The following FANCA variants were observed in gnomAD, a reference collection of about 807,000 sequenced individuals.
FANCA encodes Fanconi anemia group A protein.
FANCA carries 236 observed loss-of-function variants against 194.3 expected under a neutral mutation model. The observed-to-expected ratio is 1.21, with a 90% CI of 1.09 to 1.35. The LOEUF is 1.35. Ranked by LOEUF, FANCA falls within the 40% of genes most tolerant of loss-of-function variation. The pLI is 0.00. For missense variants in FANCA, 2,628 were observed against 1,813.9 expected (o/e 1.45, Z -8.15); for synonymous variants, 1,014 against 715.8 (o/e 1.42, Z -6.65).
intron 2 of FANCA, among the ~76,000 whole-genome samples, 153 bp from the exon 3 acceptor site, chr16:89,814,766 C>G (rs2041035513): frequency 6.6e-6 from 1 of 151,690 alleles, no homozygotes; most frequent in African/African-American, 2.4e-5. Context: ...CATAGTGAAA[C>G]CCTGTCTCTA....
chr16:89,738,790 G>T lies in FANCA; in HGVS notation c.4261-82C>A. 2.5e-6 allele frequency: 4 copies of T among 1,613,092 alleles called. No homozygotes were observed. In the Admixed American group the frequency reaches 6.7e-5, roughly 27 times the overall value. On this transcript the variant is annotated intron_variant, in intron 42 of 42. Transcript: ENST00000389301. The stretch of plus-strand genomic sequence containing the variant: ...GGGAGGGGCTCTGGCAGAAATAGTC[G>T]AGTTGTATTGCCAGCCAGGCAGGCA...
chr16:89,783,091 G>A lies in FANCA; in HGVS notation c.1482C>T (p.Leu494=), dbSNP rs1431996844. The change falls in exon 16 of 43, where the codon CTC becomes CTT. Residue 494 remains leucine (L), a synonymous_variant. Transcript: ENST00000389301. Reference sequence around the variant, plus strand: ...ACTTGCCGGGAACCAGGGGTGGGTGGAGAATGTGCACCTGAGGATAGATAG... The same window carrying A: ...ACTTGCCGGGAACCAGGGGTGGGTGAAGAATGTGCACCTGAGGATAGATAG... ...ESPRYLQVHI[L]HPPLVPGKYR... is the part of the protein sequence containing the mutation. The A allele has an allele frequency of 6.2e-7, 1 of 1,612,904 alleles. No individual in the cohort carries two copies. The highest frequency in any genetic ancestry group is 1.7e-5 in the Admixed American group (1 of 59,970).
At chr16:89,770,283 T>A (rs977684189) in intron 24 of FANCA, 24 bp from the exon 25 acceptor site, 18 of 1,546,586 alleles carry the variant, frequency 1.2e-5, no homozygotes, top group Admixed American at 7.8e-5. Context: ...CGTGAAACCA[T>A]CAGTACTAGC....
chr16:89,751,652 G>C (rs2038595815), intron 31 of FANCA, among the ~76,000 whole-genome samples: 1 of 152,230 alleles, frequency 6.6e-6, no homozygotes, highest in Non-Finnish European at 1.5e-5. Flanking sequence ...GTAAATGCCT[G>C]TTGACTGACA....
chr16:89,762,378 GAGCCTAGGAGTTTGACACC>G (rs139978339), intron 28 of FANCA, among the ~76,000 whole-genome samples: 9,042 of 151,916 alleles, frequency 0.06, 405 homozygotes, highest in East Asian at 0.22. Flanking sequence ...CAGATTGCTT[GAGCCTAGGAGTTTGACACC>G]AGCCTAGGCA....
chr16:89,808,422 T>C, intron 5 of FANCA, 55 bp from the exon 6 acceptor site: 1 of 1,553,272 alleles, frequency 6.4e-7, no homozygotes, highest in Non-Finnish European at 8.9e-7. Context: ...CCCAGCATTC[T>C]GAGTCCTTTA....
At position 89,810,709 on chromosome 16, in the gene FANCA, G is replaced by C. The variant is rs1454055874; in HGVS notation, c.520C>G (p.Gln174Glu). The change falls in exon 5 of 43, where the codon CAG becomes GAG. Residue 174 changes from glutamine to glutamate, a missense_variant and splice_region_variant. Gln to Glu is a conservative substitution (Grantham distance 29, BLOSUM62 2). Coordinates refer to ENST00000389301, the MANE Select transcript of FANCA (RefSeq NM_000135.4). ...LSFCQELWKI[Q>E]SSLLLEAVWH... is the part of the protein sequence containing the mutation. ...CAGATTTGCAATCTCAAATTTACCT[G>C]TATTTTCCATAATTCTTGACAGAAG... is the stretch of plus-strand genomic sequence containing the variant. The C allele has an allele frequency of 1.9e-6, 3 of 1,596,360 alleles. No individual in the cohort carries two copies. Among genetic ancestry groups the C allele is most frequent in the Non-Finnish European group, 2.6e-6 (3 of 1,163,978 alleles).
In FANCA at chr16:89,757,258, C is replaced by T. The variant is rs753971651; in HGVS notation, c.2981+1319G>A. ...TCCAGGCATGAGCCACTGCGCCCAG[C>T]CTCAAGGTTGTTTTGACCTAAGAGT... On this transcript the variant is annotated intron_variant, in intron 30 of 42. Transcript: ENST00000389301. Among the ~76,000 whole-genome samples the T allele has an allele frequency of 2.5e-4, 38 of 152,106 alleles. 1 individual carries two copies. The highest frequency in any genetic ancestry group is 3.7e-4 in the Non-Finnish European group (25 of 68,032).
At chr16:89,758,836 G>A in intron 29 of FANCA, 131 bp from the exon 30 acceptor site, 1 of 1,386,732 alleles carries the variant, frequency 7.2e-7, no homozygotes, top group Non-Finnish European at 1.0e-6. Context: ...GGCGGCTCGG[G>A]ACCTTGGAGT....
At position 89,745,618 on chromosome 16, in the gene FANCA, A is replaced by G. The variant is rs2038360514; in HGVS notation, c.3514-547T>C. Among the ~76,000 whole-genome samples, 2 of 75,666 alleles carry G rather than the reference A, an allele frequency of 2.6e-5. 1 individual carries two copies. Among genetic ancestry groups the G allele is most frequent in the Admixed American group, 2.7e-4 (2 of 7,362 alleles). 49.6% of individuals were successfully genotyped at this position (75,666 alleles called of 152,430 possible). On this transcript the variant is annotated intron_variant, in intron 35 of 42. Transcript: ENST00000389301. ...ACCACACTGCCCTGAGCTGGGAACG[A>G]AACAGTGAAGGGACCACACTCCTCT...
At chr16:89,774,424 A>G (rs111898844) in intron 21 of FANCA, among the ~76,000 whole-genome samples, 9 of 152,140 alleles carry the variant, frequency 5.9e-5, no homozygotes, top group African/African-American at 2.2e-4. Flanking sequence ...AGCACAACTG[A>G]GAGGTCATGC....
intron 17 of FANCA, among the ~76,000 whole-genome samples, chr16:89,781,445 G>A (rs1317355691): frequency 6.1e-5 from 9 of 146,854 alleles, no homozygotes; most frequent in East Asian, 4.1e-4. Context: ...AGGCCAAGGC[G>A]GGCAGATCAC....
intron 30 of FANCA, among the ~76,000 whole-genome samples, chr16:89,756,321 A>C (rs1419807672): frequency 1.3e-5 from 2 of 152,304 alleles, no homozygotes; most frequent in African/African-American, 4.8e-5. Context: ...AGCACTTAAT[A>C]CCCACTAGGA....
Position 89,754,016 on chromosome 16 carries a change from T to C in FANCA, c.2982-1794A>G, listed in dbSNP as rs577255702. Reference sequence around the variant, plus strand: ...TTGCAGACAGCTGAGATAGTGCCACTGTACTCCAGCCTGGGACACACAGCG... The same window carrying C: ...TTGCAGACAGCTGAGATAGTGCCACCGTACTCCAGCCTGGGACACACAGCG... On this transcript the variant is annotated intron_variant, in intron 30 of 42. Transcript: ENST00000389301. 4.6e-5 allele frequency among the ~76,000 whole-genome samples: 7 copies of C among 152,258 alleles called. No individual in the cohort carries two copies. In the East Asian group the frequency reaches 1.4e-3, roughly 29 times the overall value.
At chr16:89,768,994 G>T (rs2039226827) in intron 26 of FANCA, among the ~76,000 whole-genome samples, 1 of 152,176 alleles carries the variant, frequency 6.6e-6, no homozygotes, top group Non-Finnish European at 1.5e-5. Flanking sequence ...TGTATCCCCG[G>T]AGTACCGAGT....
Position 89,816,553 on chromosome 16 carries a change from G to A in FANCA, c.63C>T (p.Ala21=), listed in dbSNP as rs973617998. The A allele has an allele frequency of 1.3e-6, 2 of 1,509,840 alleles. No homozygotes were observed. The highest frequency in any genetic ancestry group is 1.8e-6 in the Non-Finnish European group (2 of 1,136,728). The allele number at this position is 1,509,840 out of a possible 1,614,324, so 93.5% of individuals were successfully genotyped here. A position where few individuals can be genotyped will look rare whatever the true frequency, so the allele number is the denominator to read the frequency against. ...SGQDPGGRRR[A]WAELLAGRVK... is the part of the protein sequence containing the mutation. ...CCCACCTACCCAGCAGCTCGGCCCA[G>A]GCCCTCCGGCGGCCCCCTGGGTCCT... Residue 21 remains alanine (A), a synonymous_variant, in exon 1 of 43, where the codon GCC becomes GCT. Transcript: ENST00000389301.
rs186497529 is a variant in FANCA, at chr16:89,738,459, G to A, written c.*142C>T. On this transcript the variant is annotated 3_prime_UTR_variant, in exon 43 of 43. Transcript: ENST00000389301. ...ACGCTGAGTGACTCGGGGCCGGACA[G>A]TTCATAAATAATTGATTCCTTTCCC... 1 of 1,433,066 alleles carries A rather than the reference G, an allele frequency of 7.0e-7. No homozygotes were observed. The highest frequency in any genetic ancestry group is 9.6e-7 in the Non-Finnish European group (1 of 1,043,920). The allele number at this position is 1,433,066 out of a possible 1,614,324, so 88.8% of individuals were successfully genotyped here.
At chr16:89,756,547 C>T (rs2038772765) in intron 30 of FANCA, among the ~76,000 whole-genome samples, 1 of 152,116 alleles carries the variant, frequency 6.6e-6, no homozygotes, top group South Asian at 2.1e-4. Flanking sequence ...ATCACTTGAG[C>T]CCAGGAGGTC....
chr16:89,815,941 T>A lies in FANCA; in HGVS notation c.125A>T (p.Lys42Ile). Residue 42 changes from lysine (K) to isoleucine (I), a missense_variant, in exon 2 of 43, where the codon AAA (lysine) becomes ATA (isoleucine). Physicochemically the swap from Lys to Ile is moderately radical, Grantham distance 102 (BLOSUM62 -3). Coordinates refer to ENST00000389301, the MANE Select transcript of FANCA (RefSeq NM_000135.4). ...REKYNPERAQKLKESAVRLLR... is the reference protein window; with the variant it reads ...REKYNPERAQILKESAVRLLR... The stretch of plus-strand genomic sequence containing the variant: ...GAGGCGCACAGCTGATTCCTTTAAT[T>A]TCTGTGCCCTTTCAGGATTATATTT... 6.2e-7 allele frequency: 1 copy of A among 1,614,098 alleles called. No homozygotes were observed. Among genetic ancestry groups the A allele is most frequent in the Non-Finnish European group, 8.5e-7 (1 of 1,179,956 alleles).
Sources: allele counts gnomAD v4.1 joint callset (sites outside exome capture counted in the v4.1 genomes callset), GRCh38; gene constraint gnomAD v4.1.1; transcripts MANE v1.5; gene names NCBI Gene and HGNC (gene_info 2026-07-23, HGNC 2026-07-21).